The following NEBL variants were observed in gnomAD, a reference collection of about 807,000 sequenced individuals.
NEBL encodes the protein nebulette, also known as LIM and SH3 protein 2.
In NEBL, 122 loss-of-function variants were observed where a neutral mutation model predicts 140.2. That is an observed-to-expected ratio of 0.87 (90% CI 0.75 to 1.01). The LOEUF (loss-of-function observed/expected upper bound fraction) is 1.01, where lower values mean the gene tolerates loss of function less well. Ranked by LOEUF, NEBL falls within the 50% of genes least tolerant of loss-of-function variation. The pLI, the probability that NEBL is intolerant of heterozygous loss-of-function variation, is 0.00. For missense variants in NEBL, 1,365 were observed against 1,231.3 expected (o/e 1.11, Z -1.62); for synonymous variants, 436 against 398.9 (o/e 1.09, Z -1.11).
At chr10:20,961,617 C>G in intron 4 of NEBL, 1 of 1,302,670 alleles carries the variant, frequency 7.7e-7, no homozygotes, top group Admixed American at 1.7e-5. Context: ...GCCTCCCTTT[C>G]TCATCCAGAA....
At chr10:20,993,407 G>A (rs1343526711) in intron 3 of NEBL, among the ~76,000 whole-genome samples, 2 of 152,172 alleles carry the variant, frequency 1.3e-5, no homozygotes, top group African/African-American at 4.8e-5. Flanking sequence ...TTTAACATAT[G>A]TACACATATT....
chr10:20,910,338 T>C lies in NEBL; in HGVS notation c.357+51334A>G, dbSNP rs535471714. Among the ~76,000 whole-genome samples the C allele has an allele frequency of 4.5e-4, 69 of 152,330 alleles. 2 individuals carry two copies. The South Asian group carries it at 9.3e-3, about 21-fold the overall frequency. Reference sequence around the variant, plus strand: ...AGATTATAACTAACTCATGAGCTATTTAATCATGTAGCTTCCACTTAAGTT... The same window carrying C: ...AGATTATAACTAACTCATGAGCTATCTAATCATGTAGCTTCCACTTAAGTT... On this transcript the variant is annotated intron_variant, in intron 4 of 6. Coordinates refer to the NEBL transcript ENST00000417816.
chr10:21,241,310 C>T (rs1842437184), intron 3 of NEBL, among the ~76,000 whole-genome samples: 1 of 151,742 alleles, frequency 6.6e-6, no homozygotes, highest in South Asian at 2.1e-4. Flanking sequence ...ATCAAAAGGA[C>T]CAAGAGCCAG....
At chr10:21,229,597 A>G (rs1436695539) in intron 3 of NEBL, among the ~76,000 whole-genome samples, 1 of 152,226 alleles carries the variant, frequency 6.6e-6, no homozygotes, top group Non-Finnish European at 1.5e-5. Flanking sequence ...CTCAGCTCTC[A>G]TCTGACTGGA....
chr10:20,799,404 C>A (rs1046359992), intron 26 of NEBL, among the ~76,000 whole-genome samples: 1 of 152,158 alleles, frequency 6.6e-6, no homozygotes, highest in African/African-American at 2.4e-5. Context: ...GATCCACCCA[C>A]CTCCGCTTCC....
intron 17 of NEBL, among the ~76,000 whole-genome samples, chr10:20,827,195 G>A (rs573381048): frequency 6.6e-6 from 1 of 152,312 alleles, no homozygotes; most frequent in African/African-American, 2.4e-5. Flanking sequence ...AAAGGTAAAT[G>A]AGGATAGAAT....
rs192697351 is a variant in NEBL, at chr10:20,833,786, T to C, written c.1449+1727A>G. ...AAAAAAAAAAGAAAAAAAGAATGTC[T>C]ACTAGGAAGGCAATAATAGCAGAAT... On this transcript the variant is annotated intron_variant, in intron 14 of 27. Coordinates refer to ENST00000377122, the MANE Select transcript of NEBL (RefSeq NM_006393.3). 2.6e-5 allele frequency among the ~76,000 whole-genome samples: 4 copies of C among 151,768 alleles called. No individual in the cohort carries two copies. In the East Asian group the frequency reaches 7.8e-4, roughly 29 times the overall value.
chr10:21,199,116 C>CT (rs1166327098), intron 3 of NEBL, among the ~76,000 whole-genome samples: 1 of 151,868 alleles, frequency 6.6e-6, no homozygotes, highest in African/African-American at 2.4e-5. Flanking sequence ...CCTCCAACTC[C>CT]TAGGCTCAAG....
chr10:21,111,370 C>G (rs1352624554), intron 2 of NEBL, among the ~76,000 whole-genome samples: 1 of 152,006 alleles, frequency 6.6e-6, no homozygotes, highest in Admixed American at 6.6e-5. Context: ...TAAAAACAGG[C>G]TGGTACTGGT....
chr10:20,990,534 C>G (rs1334736620), intron 3 of NEBL, among the ~76,000 whole-genome samples: 4 of 152,154 alleles, frequency 2.6e-5, no homozygotes, highest in Non-Finnish European at 4.4e-5. Context: ...TCTGCTGGCC[C>G]CTTGATCTTG....
At chr10:20,997,472 A>G (rs1025808189) in intron 3 of NEBL, among the ~76,000 whole-genome samples, 3 of 17,538 alleles carry the variant, frequency 1.7e-4, no homozygotes, top group East Asian at 0.011. Context: ...CAGTCTCAGT[A>G]AAAAAAAAAA....
chr10:20,877,729 G>A (rs1845641021), intron 5 of NEBL, among the ~76,000 whole-genome samples: 1 of 152,182 alleles, frequency 6.6e-6, no homozygotes, highest in African/African-American at 2.4e-5. Context: ...TTAGGGCGGA[G>A]CAAACAGCTT....
At chr10:20,882,348 A>G (rs1310678172) in intron 4 of NEBL, among the ~76,000 whole-genome samples, 2 of 134,470 alleles carry the variant, frequency 1.5e-5, no homozygotes, top group Non-Finnish European at 3.5e-5. Context: ...GAAAAGGAAA[A>G]GGGGAAGGGA....
chr10:20,866,280 C>T (rs1844282732), intron 7 of NEBL, among the ~76,000 whole-genome samples: 1 of 152,040 alleles, frequency 6.6e-6, no homozygotes, highest in East Asian at 1.9e-4. Context: ...TGAAAAGAGT[C>T]CTGGAGATGG....
intron 2 of NEBL, among the ~76,000 whole-genome samples, chr10:21,124,312 G>T (rs1299842039): frequency 6.6e-6 from 1 of 152,330 alleles, no homozygotes; most frequent in East Asian, 1.9e-4. Flanking sequence ...TTAGGGAAAA[G>T]ATCAATAAAT....
intron 7 of NEBL, 100 bp from the exon 8 acceptor site, chr10:20,859,926 G>A: frequency 3.1e-6 from 2 of 646,912 alleles, no homozygotes; most frequent in Non-Finnish European, 5.4e-6. Flanking sequence ...AATGAATGTT[G>A]CCAAGTGTAA....
chr10:21,052,627 T>C (rs1481388800), intron 2 of NEBL, among the ~76,000 whole-genome samples: 1 of 152,170 alleles, frequency 6.6e-6, no homozygotes, highest in African/African-American at 2.4e-5. Flanking sequence ...TCTGTAGAGA[T>C]GCTAAAACCA....
intron 4 of NEBL, among the ~76,000 whole-genome samples, chr10:20,950,011 C>G (rs543175846): frequency 1.3e-5 from 2 of 152,204 alleles, no homozygotes; most frequent in South Asian, 4.1e-4. Flanking sequence ...AATTCCTTTC[C>G]CTCCTAAACC....
intron 2 of NEBL, among the ~76,000 whole-genome samples, chr10:21,075,609 G>C (rs949886079): frequency 6.6e-6 from 1 of 152,124 alleles, no homozygotes; most frequent in Non-Finnish European, 1.5e-5. Flanking sequence ...GTTGGCCACC[G>C]GTCTGCAGCG....
Sources: gnomAD v4.1 joint callset for allele counts (sites outside exome capture counted in the v4.1 genomes callset) on GRCh38, gnomAD v4.1.1 for gene constraint, MANE v1.5 for transcripts, NCBI Gene and HGNC (gene_info 2026-07-23, HGNC 2026-07-21) for gene names.